SIN3B: variants seen among roughly 807,000 people sequenced by gnomAD.
The protein encoded by SIN3B is paired amphipathic helix protein Sin3b.
SIN3B carries 19 observed loss-of-function variants against 120.2 expected under a neutral mutation model. That is an observed-to-expected ratio of 0.16 (90% CI 0.11 to 0.23). SIN3B has a LOEUF of 0.23. SIN3B is among the 10% of genes least tolerant of loss of function. The pLI is 1.00. For synonymous variants in SIN3B, 654 were observed against 653.2 expected, an observed-to-expected ratio of 1.00 and a Z score of -0.02; for missense variants, 1,073 against 1,573.0, an observed-to-expected ratio of 0.68 and a Z score of 5.38.
chr19:16,852,683 C>T (rs1971561102), intron 6 of SIN3B, among the ~76,000 whole-genome samples: 1 of 152,170 alleles, frequency 6.6e-6, no homozygotes, highest in Non-Finnish European at 1.5e-5. Flanking sequence ...TTTGGCTTCT[C>T]CAGGGTCTTC....
intron 14 of SIN3B, chr19:16,872,485 C>T (rs1162739784): frequency 1.3e-5 from 2 of 151,720 alleles, no homozygotes; most frequent in East Asian, 3.9e-4. Flanking sequence ...CTCTTGTCTC[C>T]CAGGCTGGAG....
rs1326341173 is a variant in SIN3B, at chr19:16,829,445, G to A, written c.25G>A (p.Gly9Ser). 8.2e-7 allele frequency: 1 copy of A among 1,212,458 alleles called. No homozygotes were observed. The highest frequency in any genetic ancestry group is 1.0e-6 in the Non-Finnish European group (1 of 975,320). The allele number at this position is 1,212,458 out of a possible 1,614,324, so 75.1% of individuals were successfully genotyped here. ...CATGGCGCACGCTGGCGGTGGCAGC[G>A]GTGGCAGCGGTGCCGGCGGCCCCGC... MAHAGGGS[G>S]GSGAGGPAGR... Residue 9 changes from glycine to serine, a missense_variant, in exon 1 of 19, where the codon GGT becomes AGT. By Grantham distance (56) the Gly-to-Ser change is moderately conservative. This residue lies in a region of SIN3B where 395 missense variants were observed against 528.0 expected (regional missense o/e 0.75). Coordinates refer to ENST00000248054, the MANE Select transcript of SIN3B (RefSeq NM_001297595.2).
rs918926673 is a variant in SIN3B at position 16,870,016 on chromosome 19, G to A, written c.2363G>A (p.Cys788Tyr). The A allele has an allele frequency of 2.5e-6, 4 of 1,613,060 alleles. No individual in the cohort carries two copies. The highest frequency in any genetic ancestry group is 2.7e-5 in the African/African-American group (2 of 74,914). The change falls in exon 13 of 19, where the codon TGT becomes TAT. Residue 788 changes from cysteine to tyrosine, a missense_variant. Physicochemically the swap from Cys to Tyr is radical, Grantham distance 194. This residue lies in a region of SIN3B where 52 missense variants were observed against 68.8 expected (regional missense o/e 0.76). Coordinates refer to ENST00000248054, the MANE Select transcript of SIN3B (RefSeq NM_001297595.2). The part of the protein sequence containing the change: ...RTEKEREKLL[C>Y]EGRREKGSDP... ...GAGAAGGAGCGGGAGAAGCTGCTGT[G>A]TGAGGGCCGCAGGGAGAAGGGCAGC...
intron 10 of SIN3B, among the ~76,000 whole-genome samples, chr19:16,864,433 A>T (rs1246694961): frequency 3.9e-5 from 6 of 151,962 alleles, no homozygotes; most frequent in South Asian, 2.1e-4. Flanking sequence ...GGCTCAAATG[A>T]TCCTCCCACC....
intron 8 of SIN3B, among the ~76,000 whole-genome samples, chr19:16,857,438 T>C (rs1971629599): frequency 6.6e-6 from 1 of 152,070 alleles, no homozygotes; most frequent in Admixed American, 6.6e-5. Context: ...ACTTTTTTTT[T>C]TGTTCTAAAT....
intron 8 of SIN3B, among the ~76,000 whole-genome samples, chr19:16,856,884 T>G (rs778275559): frequency 1.3e-5 from 2 of 152,202 alleles, no homozygotes; most frequent in Non-Finnish European, 2.9e-5. Context: ...GATTCTTTTT[T>G]TTAATGGTTC....
intron 14 of SIN3B, among the ~76,000 whole-genome samples, chr19:16,873,448 A>G (rs114442027): frequency 5.3e-4 from 80 of 151,820 alleles, no homozygotes; most frequent in African/African-American, 1.8e-3. Flanking sequence ...GCCTGGAGAG[A>G]GGACACCCAG....
intron 4 of SIN3B, among the ~76,000 whole-genome samples, chr19:16,843,346 C>T (rs550263515): frequency 5.3e-5 from 8 of 152,208 alleles, no homozygotes; most frequent in South Asian, 2.1e-4. Context: ...TCAGCATAAG[C>T]GTTTCAGATC....
At chr19:16,851,851 C>T (rs1288741578) in intron 6 of SIN3B, among the ~76,000 whole-genome samples, 2 of 152,246 alleles carry the variant, frequency 1.3e-5, no homozygotes, top group African/African-American at 4.8e-5. Context: ...GGCAAGGCCG[C>T]CATGTACGTT....
At position 16,860,814 on chromosome 19, in the gene SIN3B, C is replaced by T. The variant is rs569291418; in HGVS notation, c.1059-1538C>T. Among the ~76,000 whole-genome samples, 5 of 152,004 alleles carry T rather than the reference C, an allele frequency of 3.3e-5. No individual in the cohort carries two copies. In the South Asian group the frequency reaches 8.3e-4, roughly 25 times the overall value. On this transcript the variant is annotated intron_variant, in intron 8 of 18. Transcript: ENST00000248054. ...TAGAGACGGGGTTTCACCGTGGTCT[C>T]GATCTCCTGACCTCGTGATCCGCCC...
Position 16,862,602 on chromosome 19 carries a change from C to G in SIN3B, c.1266+43C>G. ...TCAAATGTTCGTTGACATGGTGCAT[C>G]CCCCACCCCTCCCCAGCAAACACCC... On this transcript the variant is annotated intron_variant, in intron 9 of 18. Coordinates refer to ENST00000248054, the MANE Select transcript of SIN3B (RefSeq NM_001297595.2). The surrounding 1 kb of genome is among the most constrained non-coding windows in gnomAD (Gnocchi z 4.7). 1 of 1,524,086 alleles carries G rather than the reference C, an allele frequency of 6.6e-7. No homozygotes were observed. The highest frequency in any genetic ancestry group is 9.0e-7 in the Non-Finnish European group (1 of 1,108,988). The allele number at this position is 1,524,086 out of a possible 1,614,324, so 94.4% of individuals were successfully genotyped here.
At chr19:16,852,738 T>C (rs1181296039) in intron 6 of SIN3B, among the ~76,000 whole-genome samples, 2 of 152,134 alleles carry the variant, frequency 1.3e-5, no homozygotes, top group African/African-American at 4.8e-5. Flanking sequence ...CTGTCTTGGC[T>C]CTCAGGACAA....
chr19:16,869,533 G>A lies in SIN3B; in HGVS notation c.1880G>A (p.Arg627Gln), dbSNP rs748875994. ...EPHLIFVYED[R>Q]QILEDAAALI... Reference sequence around the variant, plus strand: ...CACCTCATCTTTGTGTACGAGGACCGGCAGATCCTGGAGGACGCAGCAGCG... The same window carrying A: ...CACCTCATCTTTGTGTACGAGGACCAGCAGATCCTGGAGGACGCAGCAGCG... Residue 627 changes from arginine (R) to glutamine (Q), a missense_variant, in exon 13 of 19, where the codon CGG becomes CAG. By Grantham distance (43) the Arg-to-Gln change is conservative. This residue lies in a region of SIN3B where 169 missense variants were observed against 207.3 expected (regional missense o/e 0.82). Coordinates refer to ENST00000248054, the MANE Select transcript of SIN3B (RefSeq NM_001297595.2). 1.8e-5 allele frequency: 29 copies of A among 1,613,772 alleles called. No individual in the cohort carries two copies. Among genetic ancestry groups the A allele is most frequent in the Non-Finnish European group, 2.2e-5 (26 of 1,180,024 alleles).
chr19:16,877,343 C>T (rs2051621782), intron 16 of SIN3B: 1 of 571,462 alleles, frequency 1.7e-6, no homozygotes. Context: ...TGTGTGAGTC[C>T]CGCTGTCACT....
intron 1 of SIN3B, 80 bp downstream of exon 1, chr19:16,829,620 C>A: frequency 8.3e-7 from 1 of 1,204,568 alleles, no homozygotes; most frequent in South Asian, 3.2e-5. Flanking sequence ...AGGCCCCGCC[C>A]GGCCCCAGCC....
In SIN3B at chr19:16,878,753, C is replaced by T. The variant is rs371770143; in HGVS notation, c.*26C>T. Reference sequence around the variant, plus strand: ...CCCGCCCTCATGGGCACCGGGCAGGCGCCTCACAGAGCACAGACGTGCCCT... The same window carrying T: ...CCCGCCCTCATGGGCACCGGGCAGGTGCCTCACAGAGCACAGACGTGCCCT... On this transcript the variant is annotated 3_prime_UTR_variant, in exon 19 of 19. Coordinates refer to ENST00000248054, the MANE Select transcript of SIN3B (RefSeq NM_001297595.2). The T allele has an allele frequency of 8.9e-5, 139 of 1,560,818 alleles. No homozygotes were observed. The highest frequency in any genetic ancestry group is 1.1e-4 in the Non-Finnish European group (131 of 1,155,922).
chr19:16,864,444 T>G (rs1971732450), intron 10 of SIN3B, among the ~76,000 whole-genome samples: 1 of 152,010 alleles, frequency 6.6e-6, no homozygotes, highest in Admixed American at 6.6e-5. Context: ...TCCTCCCACC[T>G]CAGCCTCCTG....
chr19:16,831,759 G>C lies in SIN3B; in HGVS notation c.381+112G>C, dbSNP rs192092006. On this transcript the variant is annotated intron_variant, in intron 3 of 18. Coordinates refer to ENST00000248054, the MANE Select transcript of SIN3B (RefSeq NM_001297595.2). The stretch of plus-strand genomic sequence containing the variant: ...ATTGCTAGAAAGCCACTTAAGATCT[G>C]TTCTTTTTCTAGACGTGCTCATTGC... 679 of 911,390 alleles carry C rather than the reference G, an allele frequency of 7.5e-4. 2 individuals carry two copies. Among genetic ancestry groups the C allele is most frequent in the Non-Finnish European group, 1.0e-3 (605 of 582,214 alleles). The allele number at this position is 911,390 out of a possible 1,614,324, so 56.5% of individuals were successfully genotyped here.
intron 13 of SIN3B, 27 bp downstream of exon 13, chr19:16,870,102 C>T (rs1214072069): frequency 3.9e-6 from 6 of 1,541,046 alleles, no homozygotes; most frequent in Non-Finnish European, 5.2e-6. Context: ...TGCCGGGAGG[C>T]CCCGGGGGGT....
Sources: allele counts gnomAD v4.1 joint callset (sites outside exome capture counted in the v4.1 genomes callset), GRCh38; gene constraint gnomAD v4.1.1; regional missense constraint gnomAD v4.1.1; non-coding constraint Gnocchi (gnomAD v3.1); transcripts MANE v1.5; gene names NCBI Gene and HGNC (gene_info 2026-07-23, HGNC 2026-07-21).